ZNF266: variants seen among roughly 807,000 people sequenced by gnomAD.
The protein encoded by ZNF266 is zinc finger protein 1.
Under a neutral mutation model 16.4 loss-of-function variants are expected in ZNF266, and 16 were observed. That is an observed-to-expected ratio of 0.98 (90% confidence interval 0.66 to 1.48). The LOEUF is 1.48. Ranked by LOEUF, ZNF266 falls within the 40% of genes most tolerant of loss-of-function variation. ZNF266 has a pLI of 0.00. For missense variants in ZNF266, 738 were observed against 689.1 expected, an observed-to-expected ratio of 1.07 and a Z score of -0.79; for synonymous variants, 262 against 237.9, an observed-to-expected ratio of 1.10 and a Z score of -0.93.
intron 5 of ZNF266, among the ~76,000 whole-genome samples, chr19:9,432,627 C>T (rs961031858): frequency 1.3e-5 from 2 of 152,100 alleles, no homozygotes; most frequent in African/African-American, 4.8e-5. Context: ...TTTCTGGTCA[C>T]AAAAACATCA....
In ZNF266 at chr19:9,414,524, C is replaced by A; in HGVS notation, c.602G>T (p.Cys201Phe). The A allele has an allele frequency of 1.2e-6, 2 of 1,614,186 alleles. No homozygotes were observed. The highest frequency in any genetic ancestry group is 1.7e-6 in the Non-Finnish European group (2 of 1,179,986). ...TGEQRSVFSQ[C>F]GKAFSLNPDV... ...TGGGTTCAGGCTGAAGGCTTTTCCA[C>A]ACTGACTAAATACAGAACGTTGCTC... The change falls in exon 11 of 11, where the codon TGT becomes TTT. Residue 201 changes from cysteine (C) to phenylalanine (F), a missense_variant. Physicochemically the swap from Cys to Phe is radical, Grantham distance 205. Transcript: ENST00000592904.
intron 5 of ZNF266, among the ~76,000 whole-genome samples, chr19:9,421,565 C>G (rs953445447): frequency 6.6e-5 from 10 of 152,196 alleles, no homozygotes; most frequent in Non-Finnish European, 1.2e-4. Flanking sequence ...TTTTCACTCT[C>G]AACTCCAGAT....
chr19:9,413,687 C>T lies in ZNF266; in HGVS notation c.1439G>A (p.Cys480Tyr). ...TGEKPFECVK[C>Y]GKAFAISSNL... Reference sequence around the variant, plus strand: ...TGAAGAAATAGCAAAGGCTTTCCCACATTTGACACATTCAAAAGGCTTCTC... The same window carrying T: ...TGAAGAAATAGCAAAGGCTTTCCCATATTTGACACATTCAAAAGGCTTCTC... Residue 480 changes from cysteine to tyrosine, a missense_variant, in exon 11 of 11, where the codon TGT becomes TAT. Transcript: ENST00000592904. 2.5e-6 allele frequency: 4 copies of T among 1,614,172 alleles called. No homozygotes were observed. The highest frequency in any genetic ancestry group is 1.7e-5 in the Admixed American group (1 of 60,018).
intron 9 of ZNF266, 123 bp from the exon 10 acceptor site, chr19:9,415,865 C>T: frequency 1.3e-6 from 1 of 751,854 alleles, no homozygotes; most frequent in Non-Finnish European, 2.1e-6. Flanking sequence ...ACTCTGTTGC[C>T]CAGGCTGGAG....
At chr19:9,417,540 A>C (rs2069229744) in intron 9 of ZNF266, among the ~76,000 whole-genome samples, 1 of 152,158 alleles carries the variant, frequency 6.6e-6, no homozygotes, top group Admixed American at 6.5e-5. Flanking sequence ...CACACTGACC[A>C]ACACGGTCAA....
intron 5 of ZNF266, among the ~76,000 whole-genome samples, chr19:9,428,250 C>CA (rs2071057275): frequency 6.6e-6 from 1 of 152,204 alleles, no homozygotes; most frequent in South Asian, 2.1e-4. Context: ...GTCAGGGAAA[C>CA]AACCCCCCAT....
intron 7 of ZNF266, 92 bp from the exon 8 acceptor site, chr19:9,418,723 C>A (rs1368600360): frequency 2.0e-5 from 13 of 658,908 alleles, no homozygotes; most frequent in Non-Finnish European, 3.6e-5. Context: ...TGAGGGCTCA[C>A]ATTGCCCACC....
Position 9,412,468 on chromosome 19 carries a change from A to G in ZNF266, c.*807T>C, listed in dbSNP as rs2068422812. 6.6e-6 allele frequency: 1 copy of G among 152,256 alleles called. No homozygotes were observed. The highest frequency in any genetic ancestry group is 2.4e-5 in the African/African-American group (1 of 41,466). 9.4% of individuals were successfully genotyped at this position (152,256 alleles called of 1,614,324 possible). On this transcript the variant is annotated 3_prime_UTR_variant, in exon 11 of 11. Transcript: ENST00000592904. The stretch of plus-strand genomic sequence containing the variant: ...TTTTATTATGTTTGAAGAAAGCTTA[A>G]AAATTTGTGTTGGTCTGCATTCAAA...
rs915148458 is a variant in ZNF266 at position 9,413,742 on chromosome 19, G to A, written c.1384C>T (p.Leu462Phe). Residue 462 changes from leucine to phenylalanine, a missense_variant, in exon 11 of 11, where the codon CTT becomes TTT. Transcript: ENST00000592904. ...GTGTGAGTTCTTGTATGTTCACTAA[G>A]GCGAGAGGATCTGGCAAAGGCCTTT... ...CGKAFARSSRLSEHTRTHTGE... is the reference protein window; with the variant it reads ...CGKAFARSSRFSEHTRTHTGE... The A allele has an allele frequency of 3.1e-6, 5 of 1,614,010 alleles. No individual in the cohort carries two copies. The highest frequency in any genetic ancestry group is 3.3e-5 in the Admixed American group (2 of 59,998).
intron 5 of ZNF266, among the ~76,000 whole-genome samples, chr19:9,431,285 G>A (rs1384958845): frequency 6.6e-6 from 1 of 152,102 alleles, no homozygotes; most frequent in Admixed American, 6.5e-5. Flanking sequence ...CAAAACCCTG[G>A]CCCAGTCACC....
rs2072316164 is a variant in ZNF266, at chr19:9,435,377, C to G, written c.-651G>C. On this transcript the variant is annotated 5_prime_UTR_variant, in exon 1 of 11. Coordinates refer to ENST00000592904, the MANE Select transcript of ZNF266 (RefSeq NM_001370374.1). The stretch of plus-strand genomic sequence containing the variant: ...GCGGCGCCAGGAGGACCCGCGCGGC[C>G]CCGGCGGACGCGAGCGGAGCAGGCA... The G allele has an allele frequency of 6.6e-6, 1 of 152,222 alleles. No individual in the cohort carries two copies. Among genetic ancestry groups the G allele is most frequent in the Non-Finnish European group, 1.5e-5 (1 of 68,076 alleles). The allele number at this position is 152,222 out of a possible 1,614,324, so 9.4% of individuals were successfully genotyped here. A position where few individuals can be genotyped will look rare whatever the true frequency, so the allele number is the denominator to read the frequency against.
At chr19:9,416,058 G>A (rs1410066984) in intron 9 of ZNF266, among the ~76,000 whole-genome samples, 2 of 151,988 alleles carry the variant, frequency 1.3e-5, no homozygotes, top group East Asian at 1.9e-4. Flanking sequence ...TCCTGACCTC[G>A]TGATCCACAC....
rs758576865 is a variant in ZNF266, at chr19:9,414,085, G to A, written c.1041C>T (p.Ser347=). 1.2e-6 allele frequency: 2 copies of A among 1,613,636 alleles called. No individual in the cohort carries two copies. Among genetic ancestry groups the A allele is most frequent in the Non-Finnish European group, 1.7e-6 (2 of 1,179,872 alleles). The part of the protein sequence containing the change: ...CKDCGRAFTV[S]SCLSQHMKIH... ...TTTTCATATGTTGACTTAAGCAAGAGGAAACAGTGAAGGCTCTCCCACAAT... is the reference window on the plus strand; with the variant it reads ...TTTTCATATGTTGACTTAAGCAAGAAGAAACAGTGAAGGCTCTCCCACAAT... Residue 347 remains serine (S), a synonymous_variant, in exon 11 of 11, where the codon TCC becomes TCT. Transcript: ENST00000592904.
rs376279306 is a variant in ZNF266 at position 9,413,336 on chromosome 19, C to G, written c.1790G>C (p.Ser597Thr). The G allele has an allele frequency of 1.9e-6, 3 of 1,611,582 alleles. No individual in the cohort carries two copies. Among genetic ancestry groups the G allele is most frequent in the Non-Finnish European group, 2.5e-6 (3 of 1,178,638 alleles). Residue 597 changes from serine to threonine, a missense_variant, in exon 11 of 11, where the codon AGT becomes ACT. By Grantham distance (58) the Ser-to-Thr change is moderately conservative. Coordinates refer to ENST00000592904, the MANE Select transcript of ZNF266 (RefSeq NM_001370374.1). ...YECKECGKAF[S>T]SSSSFRNHER... ...ATGATTTCGAAAGGAACTGGAAGAACTGAAGGCTTTCCCGCACTCCTTACA... is the reference window on the plus strand; with the variant it reads ...ATGATTTCGAAAGGAACTGGAAGAAGTGAAGGCTTTCCCGCACTCCTTACA...
intron 5 of ZNF266, among the ~76,000 whole-genome samples, chr19:9,421,346 G>A (rs1473394072): frequency 2.0e-5 from 3 of 152,032 alleles, no homozygotes; most frequent in Admixed American, 2.0e-4. Context: ...GGCTGAAGAG[G>A]GCCACAAATG....
chr19:9,427,497 A>T (rs947289498), intron 5 of ZNF266, among the ~76,000 whole-genome samples: 5 of 151,618 alleles, frequency 3.3e-5, no homozygotes, highest in Non-Finnish European at 7.4e-5. Flanking sequence ...ATATATATAT[A>T]TATATTTTAA....
chr19:9,425,785 G>A (rs1258147495), intron 5 of ZNF266, among the ~76,000 whole-genome samples: 2 of 152,184 alleles, frequency 1.3e-5, no homozygotes, highest in African/African-American at 2.4e-5. Flanking sequence ...GAGGGCAAGA[G>A]GGGCACGACA....
Position 9,415,745 on chromosome 19 carries a change from G to T in ZNF266, c.317-3C>A. The T allele has an allele frequency of 6.2e-7, 1 of 1,611,522 alleles. No individual in the cohort carries two copies. Among genetic ancestry groups the T allele is most frequent in the Non-Finnish European group, 8.5e-7 (1 of 1,178,142 alleles). ...AAGTTGCACTTTCCATTCTGAAGCTGAAGAGAAAAAGAAATGTAAGGGTTT... is the reference window on the plus strand; with the variant it reads ...AAGTTGCACTTTCCATTCTGAAGCTTAAGAGAAAAAGAAATGTAAGGGTTT... On this transcript the variant is annotated splice_polypyrimidine_tract_variant and splice_region_variant and intron_variant, in intron 9 of 10. Coordinates refer to ENST00000592904, the MANE Select transcript of ZNF266 (RefSeq NM_001370374.1).
At position 9,413,344 on chromosome 19, in the gene ZNF266, T is replaced by A; in HGVS notation, c.1782A>T (p.Lys594Asn). The change falls in exon 11 of 11, where the codon AAA becomes AAT. Residue 594 changes from lysine (K) to asparagine (N), a missense_variant. Physicochemically the swap from Lys to Asn is moderately conservative, Grantham distance 94. Coordinates refer to ENST00000592904, the MANE Select transcript of ZNF266 (RefSeq NM_001370374.1). ...EKPYECKECG[K>N]AFSSSSSFRN... ...GAAAGGAACTGGAAGAACTGAAGGCTTTCCCGCACTCCTTACATTCATAGG... is the reference window on the plus strand; with the variant it reads ...GAAAGGAACTGGAAGAACTGAAGGCATTCCCGCACTCCTTACATTCATAGG... The A allele has an allele frequency of 6.2e-7, 1 of 1,612,382 alleles. No individual in the cohort carries two copies. The highest frequency in any genetic ancestry group is 8.5e-7 in the Non-Finnish European group (1 of 1,179,098).
Sources: gnomAD v4.1 joint callset for allele counts (sites outside exome capture counted in the v4.1 genomes callset) on GRCh38, gnomAD v4.1.1 for gene constraint, MANE v1.5 for transcripts, NCBI Gene and HGNC (gene_info 2026-07-23, HGNC 2026-07-21) for gene names.